Variants in KCNJ3 observed in about 807,000 individuals in gnomAD.
The protein encoded by KCNJ3 is G protein-activated inward rectifier potassium channel 1.
A neutral mutation model predicts 39.2 loss-of-function variants in KCNJ3; 4 were observed. That is an observed-to-expected ratio of 0.10 (90% CI 0.05 to 0.23). The LOEUF is 0.23. Among genes scored for constraint, KCNJ3 ranks in the 10% least tolerant of loss-of-function variants. The probability of loss-of-function intolerance (pLI) is 1.00; values close to 1 mark genes in which losing one functional copy is unlikely to be tolerated. For missense variants in KCNJ3, 276 were observed against 634.9 expected (o/e 0.43, Z 6.08); for synonymous variants, 230 against 237.4 (o/e 0.97, Z 0.29).
chr2:154,766,858 T>A (rs1227738998), intron 2 of KCNJ3, among the ~76,000 whole-genome samples: 2 of 152,088 alleles, frequency 1.3e-5, no homozygotes, highest in Non-Finnish European at 2.9e-5. Context: ...CTGGCCTAAT[T>A]TTTATTTTTA....
At chr2:154,821,839 CTA>C (rs1221294286) in intron 2 of KCNJ3, among the ~76,000 whole-genome samples, 1 of 151,914 alleles carries the variant, frequency 6.6e-6, no homozygotes, top group Non-Finnish European at 1.5e-5. Flanking sequence ...CCAGGTTTCA[CTA>C]TGTGGGCCCA....
chr2:154,754,333 G>T (rs1685901435), intron 2 of KCNJ3, among the ~76,000 whole-genome samples: 1 of 152,004 alleles, frequency 6.6e-6, no homozygotes, highest in South Asian at 2.1e-4. Flanking sequence ...GAAATGGTGC[G>T]ATCTCGGCTC....
At chr2:154,828,309 G>T (rs372000464) in intron 2 of KCNJ3, among the ~76,000 whole-genome samples, 2 of 152,140 alleles carry the variant, frequency 1.3e-5, no homozygotes, top group Non-Finnish European at 2.9e-5. Context: ...GATATTAAAA[G>T]CTTTAGATAT....
intron 2 of KCNJ3, among the ~76,000 whole-genome samples, chr2:154,747,577 C>G (rs944023278): frequency 1.3e-5 from 2 of 151,902 alleles, no homozygotes; most frequent in African/African-American, 4.8e-5. Context: ...CAAGTCTGAG[C>G]TCTCCTTATC....
chr2:154,708,538 G>T (rs1234753341), intron 1 of KCNJ3, among the ~76,000 whole-genome samples: 1 of 152,032 alleles, frequency 6.6e-6, no homozygotes, highest in Non-Finnish European at 1.5e-5. Context: ...TATTTGACCA[G>T]CAGTATGCTC....
chr2:154,842,684 C>T (rs982820705), intron 2 of KCNJ3, among the ~76,000 whole-genome samples: 4 of 152,162 alleles, frequency 2.6e-5, no homozygotes, highest in Non-Finnish European at 5.9e-5. Flanking sequence ...GATTCCTTTA[C>T]CATTATGTAA....
chr2:154,802,955 A>T (rs1310968929), intron 2 of KCNJ3, among the ~76,000 whole-genome samples: 1 of 152,080 alleles, frequency 6.6e-6, no homozygotes, highest in Non-Finnish European at 1.5e-5. Context: ...ACTTTCTAAC[A>T]GTAAATTAAA....
intron 2 of KCNJ3, among the ~76,000 whole-genome samples, chr2:154,799,413 T>A (rs1686772665): frequency 6.6e-6 from 1 of 152,154 alleles, no homozygotes; most frequent in Admixed American, 6.5e-5. Context: ...CATGAGCCAC[T>A]GTGTCCAGCC....
chr2:154,829,734 C>T (rs1687330371), intron 2 of KCNJ3, among the ~76,000 whole-genome samples: 1 of 152,104 alleles, frequency 6.6e-6, no homozygotes, highest in Admixed American at 6.6e-5. Flanking sequence ...TCCCTTTGCT[C>T]TGCAACCTCA....
intron 2 of KCNJ3, among the ~76,000 whole-genome samples, chr2:154,729,036 GAGGAC>G (rs1350074734): frequency 1.3e-5 from 2 of 152,002 alleles, no homozygotes; most frequent in East Asian, 3.9e-4. Flanking sequence ...ACTCAGCTTT[GAGGAC>G]TAACTATGTT....
At chr2:154,813,337 T>A (rs1687032542) in intron 2 of KCNJ3, among the ~76,000 whole-genome samples, 1 of 152,144 alleles carries the variant, frequency 6.6e-6, no homozygotes, top group South Asian at 2.1e-4. Context: ...CTCTGCAAGA[T>A]TATGTTGTTA....
intron 2 of KCNJ3, among the ~76,000 whole-genome samples, chr2:154,724,435 G>A (rs1685314862): frequency 6.6e-6 from 1 of 152,068 alleles, no homozygotes; most frequent in South Asian, 2.1e-4. Flanking sequence ...CATTTAAACT[G>A]ATTCAGGTAA....
intron 2 of KCNJ3, among the ~76,000 whole-genome samples, chr2:154,784,445 C>T (rs1326094601): frequency 2.6e-5 from 4 of 152,150 alleles, no homozygotes; most frequent in Non-Finnish European, 4.4e-5. Flanking sequence ...TGGTGCAACT[C>T]GGCTCACTGC....
chr2:154,780,090 G>A (rs1025312446), intron 2 of KCNJ3, among the ~76,000 whole-genome samples: 1 of 152,108 alleles, frequency 6.6e-6, no homozygotes, highest in Non-Finnish European at 1.5e-5. Context: ...ACCTTGGAAA[G>A]GTCAGGAAAT....
At chr2:154,853,174 G>T (rs1243695880) in intron 2 of KCNJ3, among the ~76,000 whole-genome samples, 1 of 150,878 alleles carries the variant, frequency 6.6e-6, no homozygotes, top group Admixed American at 6.6e-5. Flanking sequence ...AGAAGAGAGA[G>T]AGCACCTAAC....
intron 2 of KCNJ3, among the ~76,000 whole-genome samples, chr2:154,849,046 T>C (rs1687712125): frequency 2.0e-5 from 3 of 152,170 alleles, no homozygotes; most frequent in Admixed American, 2.0e-4. Context: ...TACTACTTGA[T>C]AGAGAGATGA....
rs548725209 is a variant in KCNJ3, at chr2:154,807,353, C to T, written c.920-47374C>T. ...ACAATCTTGGTGACACACATAGCAC[C>T]CTTGGAGGGAAAATGTTAATTACAA... On this transcript the variant is annotated intron_variant, in intron 2 of 2. Transcript: ENST00000295101. Among the ~76,000 whole-genome samples the T allele has an allele frequency of 1.1e-4, 17 of 152,214 alleles. No individual in the cohort carries two copies. In the South Asian group the frequency reaches 1.7e-3, roughly 15 times the overall value.
intron 2 of KCNJ3, among the ~76,000 whole-genome samples, chr2:154,841,689 T>C (rs201077795): frequency 2.1e-5 from 2 of 97,064 alleles, no homozygotes; most frequent in Non-Finnish European, 4.6e-5. Context: ...AATTTATCCA[T>C]TTTTTTTTCT....
At position 154,855,122 on chromosome 2, in the gene KCNJ3, C is replaced by G. The variant is rs951927978; in HGVS notation, c.1315C>G (p.Arg439Gly). 3.7e-6 allele frequency: 6 copies of G among 1,613,820 alleles called. No homozygotes were observed. In the East Asian group the frequency reaches 8.9e-5, roughly 24 times the overall value. The change falls in exon 3 of 3, where the codon CGA becomes GGA. Residue 439 changes from arginine to glycine, a missense_variant. By Grantham distance (125) the Arg-to-Gly change is moderately radical. Coordinates refer to ENST00000295101, the MANE Select transcript of KCNJ3 (RefSeq NM_002239.4). Reference protein sequence around the residue: ...SLGDLPMKLQRISSVPGNSEE... With the variant: ...SLGDLPMKLQGISSVPGNSEE... ...GGGAGACTTGCCCATGAAACTTCAA[C>G]GAATAAGTTCAGTTCCGGGCAACTC... is the stretch of plus-strand genomic sequence containing the variant.
Sources: allele counts gnomAD v4.1 joint callset (sites outside exome capture counted in the v4.1 genomes callset), GRCh38; gene constraint gnomAD v4.1.1; transcripts MANE v1.5; gene names NCBI Gene and HGNC (gene_info 2026-07-23, HGNC 2026-07-21).